The following EML6 variants were observed in gnomAD, a reference collection of about 807,000 sequenced individuals.
EML6 encodes the protein echinoderm microtubule-associated protein-like 6.
EML6 carries 154 observed loss-of-function variants against 240.1 expected under a neutral mutation model. The observed-to-expected ratio is 0.64, with a 90% CI of 0.56 to 0.73. The LOEUF (loss-of-function observed/expected upper bound fraction) is 0.73. EML6 is among the 30% of genes least tolerant of loss of function. EML6 has a pLI of 0.00. For missense variants in EML6, 2,964 were observed against 2,474.6 expected (o/e 1.20, Z -4.20); for synonymous variants, 1,148 against 899.0 (o/e 1.28, Z -4.95).
intron 17 of EML6, chr2:54,881,854 A>G (rs1671830197): frequency 6.6e-6 from 1 of 152,236 alleles, no homozygotes; most frequent in Admixed American, 6.5e-5. Context: ...AAGGCTGAAC[A>G]ATTAACCTGC....
At chr2:54,858,666 T>G (rs1670516654) in intron 11 of EML6, among the ~76,000 whole-genome samples, 2 of 152,338 alleles carry the variant, frequency 1.3e-5, no homozygotes, top group Middle Eastern at 3.4e-3. Context: ...TAATGAGGCT[T>G]ATCTGGTCAG....
chr2:54,792,463 C>G (rs1020022109), intron 2 of EML6, among the ~76,000 whole-genome samples: 7 of 152,140 alleles, frequency 4.6e-5, no homozygotes, highest in Non-Finnish European at 7.3e-5. Context: ...GATATCTGAC[C>G]AAGTGGAAAA....
chr2:54,800,313 A>G (rs940270498), intron 2 of EML6, among the ~76,000 whole-genome samples: 1 of 152,170 alleles, frequency 6.6e-6, no homozygotes, highest in African/African-American at 2.4e-5. Flanking sequence ...GCTCAGATGT[A>G]GATGTTAAAG....
At chr2:54,736,034 A>G (rs1558515052) in intron 2 of EML6, among the ~76,000 whole-genome samples, 1 of 152,212 alleles carries the variant, frequency 6.6e-6, no homozygotes, top group Non-Finnish European at 1.5e-5. Context: ...GCAGAGGCTC[A>G]GGGGCTTAAA....
chr2:54,922,659 G>T (rs1674320096), intron 26 of EML6, among the ~76,000 whole-genome samples: 1 of 152,122 alleles, frequency 6.6e-6, no homozygotes, highest in African/African-American at 2.4e-5. Flanking sequence ...ATCAACAAAT[G>T]AATGGATAAG....
chr2:54,945,887 C>A (rs953219951), intron 28 of EML6, among the ~76,000 whole-genome samples: 6 of 152,230 alleles, frequency 3.9e-5, no homozygotes, highest in Non-Finnish European at 8.8e-5. Flanking sequence ...AGGAATTGGC[C>A]TTCCCATGAT....
At chr2:54,935,606 AGCG>A (rs1158935201) in intron 28 of EML6, among the ~76,000 whole-genome samples, 1 of 152,258 alleles carries the variant, frequency 6.6e-6, no homozygotes, top group African/African-American at 2.4e-5. Context: ...CCACCATCTG[AGCG>A]TGCCACAACA....
intron 2 of EML6, among the ~76,000 whole-genome samples, chr2:54,731,670 A>C (rs1023830684): frequency 2.0e-5 from 3 of 152,206 alleles, no homozygotes; most frequent in Admixed American, 2.0e-4. Context: ...TGGTTGCCAC[A>C]TAATGGGTCA....
intron 17 of EML6, among the ~76,000 whole-genome samples, chr2:54,889,713 G>A (rs977923368): frequency 6.6e-6 from 1 of 151,858 alleles, no homozygotes; most frequent in African/African-American, 2.4e-5. Flanking sequence ...TATATCCTTT[G>A]CAAATATGAA....
At chr2:54,955,591 A>G (rs1476265523) in intron 32 of EML6, among the ~76,000 whole-genome samples, 1 of 152,132 alleles carries the variant, frequency 6.6e-6, no homozygotes, top group Non-Finnish European at 1.5e-5. Context: ...GCCCCACTGC[A>G]CGGCCTTGTC....
In EML6 at chr2:54,813,271, C is replaced by A; in HGVS notation, c.237C>A (p.Gly79=). The change falls in exon 3 of 42, where the codon GGC becomes GGA. Residue 79 remains glycine, a synonymous_variant. Coordinates refer to ENST00000356458, the MANE Select transcript of EML6 (RefSeq NM_001039753.4). ...LHPDKTLVAT[G]QVGKEPYICI... The stretch of plus-strand genomic sequence containing the variant: ...CAGACAAAACTCTCGTTGCAACTGG[C>A]CAAGTCGGGAAGGAGCCATATATAT... The A allele has an allele frequency of 6.4e-7, 1 of 1,550,614 alleles. No homozygotes were observed.
intron 28 of EML6, among the ~76,000 whole-genome samples, chr2:54,936,070 A>C (rs1166540696): frequency 6.6e-6 from 1 of 152,198 alleles, no homozygotes; most frequent in Non-Finnish European, 1.5e-5. Flanking sequence ...TCTTGGGCTC[A>C]TCTCCAGAGG....
At chr2:54,783,102 T>A (rs368741838) in intron 2 of EML6, among the ~76,000 whole-genome samples, 1 of 152,212 alleles carries the variant, frequency 6.6e-6, no homozygotes, top group African/African-American at 2.4e-5. Context: ...TATATTATAG[T>A]CGATCAGTAA....
intron 2 of EML6, among the ~76,000 whole-genome samples, chr2:54,752,889 A>G (rs1405631306): frequency 2.0e-5 from 3 of 152,168 alleles, no homozygotes; most frequent in Non-Finnish European, 4.4e-5. Flanking sequence ...CCCAGGTTCA[A>G]GCGATTCTCC....
At chr2:54,906,345 G>C (rs561941209) in intron 24 of EML6, among the ~76,000 whole-genome samples, 1 of 152,200 alleles carries the variant, frequency 6.6e-6, no homozygotes, top group Non-Finnish European at 1.5e-5. Flanking sequence ...GTAAGTCCCA[G>C]ATAGAAAGCA....
chr2:54,878,909 A>G (rs1212564119), intron 16 of EML6, among the ~76,000 whole-genome samples: 1 of 152,210 alleles, frequency 6.6e-6, no homozygotes, highest in Non-Finnish European at 1.5e-5. Flanking sequence ...GTTAGCCTAG[A>G]AATTGGGAAG....
intron 28 of EML6, among the ~76,000 whole-genome samples, chr2:54,944,117 C>T (rs1403197627): frequency 1.3e-5 from 2 of 152,022 alleles, no homozygotes; most frequent in African/African-American, 4.8e-5. Flanking sequence ...ACCATCTACC[C>T]TCTCTCTTAA....
At chr2:54,811,945 G>A (rs987857190) in intron 2 of EML6, among the ~76,000 whole-genome samples, 1 of 152,114 alleles carries the variant, frequency 6.6e-6, no homozygotes, top group Non-Finnish European at 1.5e-5. Flanking sequence ...TGTATTACTT[G>A]CTTATGAAGA....
intron 7 of EML6, among the ~76,000 whole-genome samples, chr2:54,836,602 TAC>T (rs1669157270): frequency 6.6e-6 from 1 of 152,020 alleles, no homozygotes; most frequent in Non-Finnish European, 1.5e-5. Context: ...GCCTTTGTGG[TAC>T]ACACTCTACA....
Sources: allele counts gnomAD v4.1 joint callset (sites outside exome capture counted in the v4.1 genomes callset), GRCh38; gene constraint gnomAD v4.1.1; transcripts MANE v1.5; gene names NCBI Gene and HGNC (gene_info 2026-07-23, HGNC 2026-07-21).